The following WFDC1 variants were observed in gnomAD, a reference collection of about 807,000 sequenced individuals.
WFDC1 encodes the protein WAP four-disulfide core domain protein 1.
A neutral mutation model predicts 32.9 loss-of-function variants in WFDC1; 39 were observed. The observed-to-expected ratio is 1.19, with a 90% confidence interval of 0.92 to 1.55. The LOEUF (loss-of-function observed/expected upper bound fraction) is 1.55, where lower values mean the gene tolerates loss of function less well. WFDC1 is among the 40% of genes most tolerant of loss of function. The pLI is 0.00. For missense variants in WFDC1, 386 were observed against 309.5 expected, an observed-to-expected ratio of 1.25 and a Z score of -1.85; for synonymous variants, 184 against 137.4, an observed-to-expected ratio of 1.34 and a Z score of -2.37.
chr16:84,295,485 A>G, intron 1 of WFDC1: 1 of 381,834 alleles, frequency 2.6e-6, no homozygotes, highest in East Asian at 4.0e-5. Flanking sequence ...AAATACACTT[A>G]TGCATTCATG....
intron 4 of WFDC1, among the ~76,000 whole-genome samples, chr16:84,322,920 A>G (rs1183030122): frequency 6.6e-6 from 1 of 152,166 alleles, no homozygotes; most frequent in Non-Finnish European, 1.5e-5. Context: ...TCTAGCCTTG[A>G]GTGGGAGGCA....
At chr16:84,304,648 A>G (rs1216737208) in intron 1 of WFDC1, among the ~76,000 whole-genome samples, 2 of 152,234 alleles carry the variant, frequency 1.3e-5, no homozygotes, top group African/African-American at 4.8e-5. Flanking sequence ...CTGAGCAGGA[A>G]TGAAAATAAA....
intron 1 of WFDC1, among the ~76,000 whole-genome samples, chr16:84,301,067 T>C (rs947049113): frequency 5.3e-5 from 8 of 151,732 alleles, no homozygotes; most frequent in African/African-American, 1.2e-4. Context: ...GTCAGAGTGA[T>C]GTATCTACAA....
chr16:84,306,448 G>A (rs1349728164), intron 1 of WFDC1, among the ~76,000 whole-genome samples: 2 of 152,202 alleles, frequency 1.3e-5, no homozygotes, highest in Non-Finnish European at 2.9e-5. Flanking sequence ...GCCAGGAGGA[G>A]CAGCGAATCC....
intron 1 of WFDC1, among the ~76,000 whole-genome samples, chr16:84,300,671 A>G (rs918689224): frequency 6.6e-6 from 1 of 152,232 alleles, no homozygotes; most frequent in African/African-American, 2.4e-5. Context: ...CCCGTTCCTT[A>G]TAAGAAAAGG....
At chr16:84,306,151 G>C (rs1907243554) in intron 1 of WFDC1, among the ~76,000 whole-genome samples, 1 of 152,170 alleles carries the variant, frequency 6.6e-6, no homozygotes, top group Non-Finnish European at 1.5e-5. Flanking sequence ...ATCGGCAGCA[G>C]GTATTACTTT....
Position 84,318,259 on chromosome 16 carries a change from CGTAT to C in WFDC1, c.338-12_338-9del, listed in dbSNP as rs1908075804. The C allele has an allele frequency of 6.2e-7, 1 of 1,613,852 alleles. No individual in the cohort carries two copies. The highest frequency in any genetic ancestry group is 1.7e-5 in the Admixed American group (1 of 60,004). ...CTTGAGGAGGGCCCTGATCTGACCCCGTATTGTGTTAGTCTTAGACTGGCTGGTG... is the reference window on the plus strand; with the variant it reads ...CTTGAGGAGGGCCCTGATCTGACCCCTGTGTTAGTCTTAGACTGGCTGGTG... On this transcript the variant is annotated splice_polypyrimidine_tract_variant and intron_variant, in intron 2 of 6. Coordinates refer to ENST00000219454, the MANE Select transcript of WFDC1 (RefSeq NM_021197.4).
Position 84,313,289 on chromosome 16 carries a change from G to C in WFDC1, c.337+136G>C, listed in dbSNP as rs1353288003. On this transcript the variant is annotated intron_variant, in intron 2 of 6. Transcript: ENST00000219454. ...TCTCGGGCGCCTCCACTGCGCACCT[G>C]TGAACTGGGACGGGCGCTCCTTGAG... is the stretch of plus-strand genomic sequence containing the variant. 3 of 746,856 alleles carry C rather than the reference G, an allele frequency of 4.0e-6. No homozygotes were observed. In the African/African-American group the frequency reaches 5.5e-5, roughly 14 times the overall value. The allele number at this position is 746,856 out of a possible 1,614,324, so 46.3% of individuals were successfully genotyped here.
rs1431418317 is a variant in WFDC1, at chr16:84,318,499, C to T, written c.421+144C>T. ...ACACTCAGCCCTCTTTGATCCTCCC[C>T]ACCCCAGCGAAGAAGGGCTGATGGC... On this transcript the variant is annotated intron_variant, in intron 3 of 6. Coordinates refer to ENST00000219454, the MANE Select transcript of WFDC1 (RefSeq NM_021197.4). The T allele has an allele frequency of 4.9e-5, 37 of 749,536 alleles. 1 individual carries two copies. In the Admixed American group the frequency reaches 7.9e-4, roughly 16 times the overall value. 46.4% of individuals were successfully genotyped at this position (749,536 alleles called of 1,614,324 possible).
At chr16:84,312,042 C>A (rs619994) in intron 1 of WFDC1, among the ~76,000 whole-genome samples, 1 of 151,674 alleles carries the variant, frequency 6.6e-6, no homozygotes, top group Non-Finnish European at 1.5e-5. Context: ...GCACATGCCT[C>A]TAATCCCAGC....
chr16:84,319,971 G>A (rs536483992), intron 4 of WFDC1, among the ~76,000 whole-genome samples: 1 of 152,330 alleles, frequency 6.6e-6, no homozygotes, highest in Admixed American at 6.5e-5. Context: ...TAGGTGGTCA[G>A]TAAGCACTGG....
At chr16:84,309,426 T>C (rs1907475882) in intron 1 of WFDC1, among the ~76,000 whole-genome samples, 1 of 151,828 alleles carries the variant, frequency 6.6e-6, no homozygotes, top group South Asian at 2.1e-4. Context: ...GGCTGCAGTT[T>C]GGAGAATGGA....
At chr16:84,309,566 C>T (rs763266600) in intron 1 of WFDC1, among the ~76,000 whole-genome samples, 4 of 151,890 alleles carry the variant, frequency 2.6e-5, no homozygotes, top group Non-Finnish European at 5.9e-5. Flanking sequence ...CAGGGGCCGC[C>T]GTAACAAATG....
At chr16:84,314,898 A>G (rs1907859473) in intron 2 of WFDC1, among the ~76,000 whole-genome samples, 2 of 152,234 alleles carry the variant, frequency 1.3e-5, no homozygotes, top group African/African-American at 4.8e-5. Flanking sequence ...CACAGATGAT[A>G]CAACTGTACA....
intron 4 of WFDC1, among the ~76,000 whole-genome samples, chr16:84,322,146 T>TGTGTGTGTGCGTGC (rs1555546114): frequency 1.0e-5 from 1 of 97,782 alleles, no homozygotes; most frequent in East Asian, 2.4e-4. Flanking sequence ...CCTCAGAGCC[T>TGTGTGTGTGCGTGC]GTGTGTGTGT....
intron 2 of WFDC1, chr16:84,317,268 G>C (rs1048608584): frequency 2.0e-5 from 3 of 151,368 alleles, no homozygotes; most frequent in African/African-American, 7.3e-5. Context: ...CCTTCAGCCT[G>C]GGTGACAGAA....
chr16:84,305,209 C>T (rs1907179820), intron 1 of WFDC1, among the ~76,000 whole-genome samples: 1 of 152,256 alleles, frequency 6.6e-6, no homozygotes, highest in Non-Finnish European at 1.5e-5. Context: ...TGCTGCCTCC[C>T]TTGCCATAAG....
intron 1 of WFDC1, among the ~76,000 whole-genome samples, chr16:84,303,262 CA>C (rs924611626): frequency 8.6e-5 from 13 of 152,002 alleles, no homozygotes; most frequent in Admixed American, 2.6e-4. Context: ...CCACGCAAAC[CA>C]GTGCTGGGGT....
intron 3 of WFDC1, chr16:84,318,574 C>A (rs911713362): frequency 6.2e-6 from 3 of 484,874 alleles, no homozygotes; most frequent in Non-Finnish European, 1.1e-5. Flanking sequence ...GGCTTCGACT[C>A]TCCCCAAGAA....
Sources: allele counts gnomAD v4.1 joint callset (sites outside exome capture counted in the v4.1 genomes callset), GRCh38; gene constraint gnomAD v4.1.1; transcripts MANE v1.5; gene names NCBI Gene and HGNC (gene_info 2026-07-23, HGNC 2026-07-21).